CRY1: variants seen among roughly 807,000 people sequenced by gnomAD.
CRY1 encodes cryptochrome circadian regulator 1, also known as cryptochrome-1.
CRY1 carries 45 observed loss-of-function variants against 76.0 expected under a neutral mutation model. That is an observed-to-expected ratio of 0.59 (90% CI 0.47 to 0.76). The LOEUF (loss-of-function observed/expected upper bound fraction) is 0.76, where lower values mean the gene tolerates loss of function less well. CRY1 is among the 30% of genes least tolerant of loss of function. The pLI is 0.00. For missense variants in CRY1, 587 were observed against 716.4 expected (o/e 0.82, Z 2.06); for synonymous variants, 248 against 244.0 (o/e 1.02, Z -0.15).
intron 2 of CRY1, 121 bp from the exon 3 acceptor site, chr12:107,005,369 A>G (rs1239300502): frequency 2.0e-6 from 2 of 1,006,956 alleles, no homozygotes; most frequent in Non-Finnish European, 2.8e-6. Flanking sequence ...TCAAACTTTG[A>G]ATATGCAGGA....
intron 1 of CRY1, among the ~76,000 whole-genome samples, chr12:107,040,250 G>A (rs1952781504): frequency 6.7e-6 from 1 of 150,138 alleles, no homozygotes; most frequent in Admixed American, 6.6e-5. Flanking sequence ...TGTCAGTTAT[G>A]AGAGATGAAT....
At chr12:107,001,696 G>A (rs570005217) in intron 4 of CRY1, 68 bp downstream of exon 4, 3 of 1,355,038 alleles carry the variant, frequency 2.2e-6, no homozygotes, top group South Asian at 3.3e-5. Context: ...AAATTAAAAG[G>A]GGAATTTTCT....
At chr12:107,064,651 C>T (rs913475453) in intron 1 of CRY1, among the ~76,000 whole-genome samples, 2 of 152,118 alleles carry the variant, frequency 1.3e-5, no homozygotes, top group Non-Finnish European at 2.9e-5. Context: ...TAGAAATGGG[C>T]AGAATCCACA....
At position 107,028,403 on chromosome 12, in the gene CRY1, A is replaced by C. The variant is rs1952638862; in HGVS notation, c.159-6211T>G. ...AAGAGTTTAATGTTCAATAAAGATG[A>C]AATATATATTTTAAAAGCAAACTTT... On this transcript the variant is annotated intron_variant, in intron 1 of 12. Transcript: ENST00000008527. Among the ~76,000 whole-genome samples, 3 of 152,292 alleles carry C rather than the reference A, an allele frequency of 2.0e-5. No homozygotes were observed. In the South Asian group the frequency reaches 6.2e-4, roughly 32 times the overall value.
chr12:107,056,056 T>C (rs1053040456), intron 1 of CRY1, among the ~76,000 whole-genome samples: 4 of 152,142 alleles, frequency 2.6e-5, no homozygotes, highest in African/African-American at 9.7e-5. Flanking sequence ...GTCGAACATA[T>C]AATTAGTTTT....
chr12:107,016,162 T>A (rs1566248540), intron 2 of CRY1, among the ~76,000 whole-genome samples: 1 of 151,908 alleles, frequency 6.6e-6, no homozygotes, highest in Non-Finnish European at 1.5e-5. Flanking sequence ...ATACAAAAAT[T>A]AGCTGGGCAT....
At chr12:107,004,030 C>T (rs962883484) in intron 3 of CRY1, among the ~76,000 whole-genome samples, 2 of 152,116 alleles carry the variant, frequency 1.3e-5, no homozygotes, top group African/African-American at 4.8e-5. Flanking sequence ...TGGTCTTGAA[C>T]TCCTGACCTC....
At chr12:107,040,806 C>G (rs1952790222) in intron 1 of CRY1, among the ~76,000 whole-genome samples, 1 of 151,912 alleles carries the variant, frequency 6.6e-6, no homozygotes, top group South Asian at 2.1e-4. Flanking sequence ...AGGTCAATTA[C>G]TAATAAGTGA....
Position 107,017,875 on chromosome 12 carries a change from A to G in CRY1, c.267+4209T>C, listed in dbSNP as rs544554837. ...GTGAGGCCTTCTTTGATTCCATATA[A>G]AGTAACTTTCCCTCACCTTGACATT... On this transcript the variant is annotated intron_variant, in intron 2 of 12. Coordinates refer to ENST00000008527, the MANE Select transcript of CRY1 (RefSeq NM_004075.5). 2.0e-5 allele frequency among the ~76,000 whole-genome samples: 3 copies of G among 152,268 alleles called. 1 individual carries two copies. In the East Asian group the frequency reaches 5.8e-4, roughly 29 times the overall value.
chr12:107,093,344 A>C lies in CRY1; in HGVS notation c.-383T>G. The C allele has an allele frequency of 1.1e-5, 2 of 184,648 alleles. No individual in the cohort carries two copies. The highest frequency in any genetic ancestry group is 1.1e-5 in the Non-Finnish European group (1 of 89,586). 11.4% of individuals were successfully genotyped at this position (184,648 alleles called of 1,614,324 possible). ...CGGCCCCAGGAGATTCGTCACGGAA[A>C]CCTCGCCCCACCAAGGCGGCCCCTA... is the stretch of plus-strand genomic sequence containing the variant. On this transcript the variant is annotated 5_prime_UTR_variant, in exon 1 of 13. Coordinates refer to ENST00000008527, the MANE Select transcript of CRY1 (RefSeq NM_004075.5).
intron 1 of CRY1, among the ~76,000 whole-genome samples, chr12:107,073,645 C>T (rs1197049406): frequency 6.6e-6 from 1 of 152,118 alleles, no homozygotes; most frequent in Non-Finnish European, 1.5e-5. Flanking sequence ...AGAAGAATTG[C>T]ATGAACCCGG....
At chr12:107,092,739 A>G (rs1284966930) in intron 1 of CRY1, 65 bp downstream of exon 1, 22 of 1,591,322 alleles carry the variant, frequency 1.4e-5, no homozygotes, top group Non-Finnish European at 1.7e-5. Context: ...GGCGGATCGC[A>G]TGGAATTCAT....
At chr12:106,999,350 A>G (rs1021825492) in intron 7 of CRY1, among the ~76,000 whole-genome samples, 1 of 152,156 alleles carries the variant, frequency 6.6e-6, no homozygotes, top group Non-Finnish European at 1.5e-5. Context: ...AGGTTAATCA[A>G]TTTAACCAGT....
rs187265577 is a variant in CRY1 at position 107,013,747 on chromosome 12, T to C, written c.267+8337A>G. Among the ~76,000 whole-genome samples, 381 of 152,314 alleles carry C rather than the reference T, an allele frequency of 2.5e-3. 4 individuals carry two copies. Among genetic ancestry groups the C allele is most frequent in the African/African-American group, 8.5e-3 (354 of 41,568 alleles). On this transcript the variant is annotated intron_variant, in intron 2 of 12. Coordinates refer to ENST00000008527, the MANE Select transcript of CRY1 (RefSeq NM_004075.5). Reference sequence around the variant, plus strand: ...AGCTGGCACTGAGATCAGCTGGAAGTATAAAATACATACAAGATTTCAAGA... The same window carrying C: ...AGCTGGCACTGAGATCAGCTGGAAGCATAAAATACATACAAGATTTCAAGA...
chr12:107,082,669 A>G (rs960030784), intron 1 of CRY1, among the ~76,000 whole-genome samples: 8 of 152,218 alleles, frequency 5.3e-5, no homozygotes, highest in Admixed American at 4.6e-4. Context: ...ATAACATACC[A>G]GAATCTCTGG....
intron 1 of CRY1, among the ~76,000 whole-genome samples, chr12:107,077,064 T>C (rs1953263962): frequency 6.6e-6 from 1 of 152,084 alleles, no homozygotes; most frequent in African/African-American, 2.4e-5. Flanking sequence ...GGTATTTCCT[T>C]ATAGCAATGC....
intron 1 of CRY1, among the ~76,000 whole-genome samples, chr12:107,085,552 C>T (rs1953388441): frequency 6.6e-6 from 1 of 152,058 alleles, no homozygotes; most frequent in Non-Finnish European, 1.5e-5. Context: ...TCTCAGCAAA[C>T]TAACATAGGA....
At chr12:106,993,134 G>A (rs1323813187) in intron 10 of CRY1, 98 bp from the exon 11 acceptor site, 4 of 1,111,222 alleles carry the variant, frequency 3.6e-6, no homozygotes, top group Non-Finnish European at 5.3e-6. Context: ...TTGTACTTAA[G>A]GTCATTTATA....
chr12:107,009,866 T>C (rs1331655233), intron 2 of CRY1, among the ~76,000 whole-genome samples: 1 of 152,122 alleles, frequency 6.6e-6, no homozygotes, highest in East Asian at 1.9e-4. Context: ...ACTTTCCTTG[T>C]CAGGTTGTGG....
Sources: gnomAD v4.1 joint callset for allele counts (sites outside exome capture counted in the v4.1 genomes callset) on GRCh38, gnomAD v4.1.1 for gene constraint, MANE v1.5 for transcripts, NCBI Gene and HGNC (gene_info 2026-07-23, HGNC 2026-07-21) for gene names.